The following NRG3 variants were observed in gnomAD, a reference collection of about 807,000 sequenced individuals.
The protein encoded by NRG3 is neuregulin 3, also known as pro-neuregulin-3, membrane-bound isoform.
NRG3 carries 31 observed loss-of-function variants against 66.9 expected under a neutral mutation model. The observed-to-expected ratio is 0.46, with a 90% CI of 0.35 to 0.63. The LOEUF is 0.63. NRG3 is among the 20% of genes least tolerant of loss of function. The pLI is 0.00. For missense variants in NRG3, 910 were observed against 878.9 expected (o/e 1.04, Z -0.45); for synonymous variants, 393 against 359.4 (o/e 1.09, Z -1.06).
At chr10:82,261,230 C>A (rs554162067) in intron 1 of NRG3, among the ~76,000 whole-genome samples, 1 of 152,190 alleles carries the variant, frequency 6.6e-6, no homozygotes, top group Non-Finnish European at 1.5e-5. Flanking sequence ...TGAATTAGTT[C>A]TCATGAGATC....
At chr10:82,264,095 A>G (rs955666644) in intron 1 of NRG3, among the ~76,000 whole-genome samples, 3 of 152,170 alleles carry the variant, frequency 2.0e-5, no homozygotes, top group African/African-American at 4.8e-5. Flanking sequence ...GGCATTGGAT[A>G]TGTGAGTCTG....
At chr10:82,360,054 C>T (rs757283257) in intron 2 of NRG3, among the ~76,000 whole-genome samples, 1 of 152,194 alleles carries the variant, frequency 6.6e-6, no homozygotes, top group African/African-American at 2.4e-5. Flanking sequence ...ACAAATAGAA[C>T]TGTGACCTTT....
At chr10:82,722,525 A>T (rs1028752492) in intron 2 of NRG3, among the ~76,000 whole-genome samples, 3 of 152,120 alleles carry the variant, frequency 2.0e-5, no homozygotes, top group Admixed American at 1.3e-4. Flanking sequence ...ATGCAAAAAA[A>T]TATAGATGTG....
chr10:82,048,210 G>A (rs2063404575), intron 1 of NRG3, among the ~76,000 whole-genome samples: 1 of 152,020 alleles, frequency 6.6e-6, no homozygotes, highest in Non-Finnish European at 1.5e-5. Flanking sequence ...AGTTAACAAG[G>A]ATACCCAGGA....
intron 6 of NRG3, among the ~76,000 whole-genome samples, chr10:82,963,091 T>C (rs559865996): frequency 4.6e-5 from 7 of 152,232 alleles, no homozygotes; most frequent in African/African-American, 1.7e-4. Context: ...TATAGATACA[T>C]TAAATCAAAG....
At chr10:82,573,827 A>G (rs879299690) in intron 2 of NRG3, among the ~76,000 whole-genome samples, 1 of 151,770 alleles carries the variant, frequency 6.6e-6, no homozygotes, top group Non-Finnish European at 1.5e-5. Context: ...GGGAGAAGGG[A>G]CTGGAGAAAC....
chr10:82,959,547 G>A (rs536752035), intron 6 of NRG3, among the ~76,000 whole-genome samples: 1 of 152,248 alleles, frequency 6.6e-6, no homozygotes, highest in Non-Finnish European at 1.5e-5. Flanking sequence ...GTAGACTTGG[G>A]GGCTGCCTCA....
chr10:81,908,053 A>G (rs1844761473), intron 1 of NRG3, among the ~76,000 whole-genome samples: 1 of 152,200 alleles, frequency 6.6e-6, no homozygotes, highest in Non-Finnish European at 1.5e-5. Flanking sequence ...GTAATCTTCA[A>G]CAGACTGATC....
intron 1 of NRG3, among the ~76,000 whole-genome samples, chr10:81,928,681 C>A (rs1475857438): frequency 6.6e-6 from 1 of 151,994 alleles, no homozygotes; most frequent in African/African-American, 2.4e-5. Flanking sequence ...CCTAAATGTC[C>A]ACCAATAGAG....
At chr10:82,911,941 TTTTC>T (rs1177587679) in intron 4 of NRG3, among the ~76,000 whole-genome samples, 2 of 152,070 alleles carry the variant, frequency 1.3e-5, no homozygotes, top group Non-Finnish European at 2.9e-5. Context: ...GTATTTTCAT[TTTTC>T]TTTAATTCAT....
chr10:82,744,238 A>G (rs565379373), intron 3 of NRG3, among the ~76,000 whole-genome samples: 11 of 152,318 alleles, frequency 7.2e-5, no homozygotes, highest in Admixed American at 3.3e-4. Flanking sequence ...TAATAATCAC[A>G]GATCCTATTG....
chr10:82,941,472 G>C (rs1848571593), intron 4 of NRG3, among the ~76,000 whole-genome samples: 1 of 152,140 alleles, frequency 6.6e-6, no homozygotes, highest in South Asian at 2.1e-4. Context: ...ATTTGCAACT[G>C]CTTATAAGCT....
intron 1 of NRG3, among the ~76,000 whole-genome samples, chr10:81,942,832 A>G (rs1848513483): frequency 6.6e-6 from 1 of 152,218 alleles, no homozygotes; most frequent in Non-Finnish European, 1.5e-5. Context: ...TTCAGCTATG[A>G]TATAATTATC....
chr10:81,978,913 G>A (rs940398524), intron 1 of NRG3, among the ~76,000 whole-genome samples: 3 of 151,920 alleles, frequency 2.0e-5, no homozygotes, highest in East Asian at 1.9e-4. Context: ...TTTCCTGGCC[G>A]GGCGTGGTGG....
chr10:82,820,428 C>T (rs1365114415), intron 3 of NRG3, among the ~76,000 whole-genome samples: 1 of 152,038 alleles, frequency 6.6e-6, no homozygotes, highest in African/African-American at 2.4e-5. Flanking sequence ...AGTGGAAACA[C>T]CTTATGGTTT....
At chr10:82,927,078 T>C (rs903433501) in intron 4 of NRG3, among the ~76,000 whole-genome samples, 1 of 152,188 alleles carries the variant, frequency 6.6e-6, no homozygotes. Flanking sequence ...ACTGCCCATC[T>C]GTCCTTGCTC....
At chr10:82,153,947 T>C (rs2070985673) in intron 1 of NRG3, among the ~76,000 whole-genome samples, 1 of 152,064 alleles carries the variant, frequency 6.6e-6, no homozygotes, top group Non-Finnish European at 1.5e-5. Context: ...TTGAGTTCCT[T>C]ATATATGATG....
At chr10:82,572,748 T>A (rs527980415) in intron 2 of NRG3, among the ~76,000 whole-genome samples, 2 of 151,778 alleles carry the variant, frequency 1.3e-5, no homozygotes, top group Non-Finnish European at 2.9e-5. Context: ...TTAAGAAATG[T>A]CTCAGCTGAA....
chr10:82,090,119 C>T (rs956655489), intron 1 of NRG3, among the ~76,000 whole-genome samples: 20 of 152,220 alleles, frequency 1.3e-4, no homozygotes, highest in African/African-American at 4.3e-4. Flanking sequence ...TAACAGGCAT[C>T]TGCAGACTAC....
Sources: allele counts gnomAD v4.1 joint callset (sites outside exome capture counted in the v4.1 genomes callset), GRCh38; gene constraint gnomAD v4.1.1; transcripts MANE v1.5; gene names NCBI Gene and HGNC (gene_info 2026-07-23, HGNC 2026-07-21).